Variants in FSTL4 observed in about 807,000 individuals in gnomAD.
FSTL4 encodes follistatin-related protein 4.
Under a neutral mutation model 78.2 loss-of-function variants are expected in FSTL4, and 28 were observed. That is an observed-to-expected ratio of 0.36 (90% CI 0.27 to 0.49). FSTL4 has a LOEUF of 0.49. Among genes scored for constraint, FSTL4 ranks in the 20% least tolerant of loss-of-function variants. FSTL4 has a pLI of 0.98. For synonymous variants in FSTL4, 422 were observed against 440.5 expected (o/e 0.96, Z 0.53); for missense variants, 922 against 1,084.9 (o/e 0.85, Z 2.11).
At chr5:133,455,833 T>C (rs951986719) in intron 3 of FSTL4, among the ~76,000 whole-genome samples, 1 of 152,220 alleles carries the variant, frequency 6.6e-6, no homozygotes, top group Non-Finnish European at 1.5e-5. Context: ...CCTGAGGACA[T>C]GGACTTCTGC....
chr5:133,775,790 C>T, the FSTL4 span, among the ~76,000 whole-genome samples: 63 of 152,258 alleles, frequency 4.1e-4, 1 homozygote, highest in African/African-American at 1.5e-3. Context: ...GGTTTACTGA[C>T]ATTTTGCACA....
At chr5:133,837,107 T>C in the FSTL4 span, among the ~76,000 whole-genome samples, 10 of 152,110 alleles carry the variant, frequency 6.6e-5, no homozygotes, top group Non-Finnish European at 1.5e-4. Flanking sequence ...TCTTAAGCTC[T>C]TTCCTGTATT....
At chr5:133,342,343 G>A (rs908944597) in intron 4 of FSTL4, among the ~76,000 whole-genome samples, 2 of 152,126 alleles carry the variant, frequency 1.3e-5, no homozygotes, top group Non-Finnish European at 2.9e-5. Context: ...AAGGGGCAGG[G>A]GAAATTTTAG....
chr5:133,821,264 T>G, the FSTL4 span, among the ~76,000 whole-genome samples: 3 of 152,268 alleles, frequency 2.0e-5, no homozygotes, highest in African/African-American at 7.2e-5. Flanking sequence ...GGTCAAGTTT[T>G]CCTTCTCATC....
intron 2 of FSTL4, among the ~76,000 whole-genome samples, chr5:133,594,684 T>C (rs576201338): frequency 6.6e-6 from 1 of 152,348 alleles, no homozygotes; most frequent in South Asian, 2.1e-4. Flanking sequence ...TTACCTGGAA[T>C]GGACATTCAA....
intron 3 of FSTL4, among the ~76,000 whole-genome samples, chr5:133,530,279 GC>G (rs1759224049): frequency 6.6e-6 from 1 of 152,174 alleles, no homozygotes; most frequent in South Asian, 2.1e-4. Flanking sequence ...GAGCACTGCG[GC>G]CCTGGATAGC....
intron 6 of FSTL4, among the ~76,000 whole-genome samples, chr5:133,307,532 T>C (rs11750439): frequency 2.0e-5 from 3 of 151,940 alleles, no homozygotes; most frequent in Non-Finnish European, 4.4e-5. Flanking sequence ...TGCTGACACA[T>C]GTTAAATGCT....
At chr5:133,452,178 C>A (rs970907087) in intron 3 of FSTL4, among the ~76,000 whole-genome samples, 2 of 152,200 alleles carry the variant, frequency 1.3e-5, no homozygotes, top group Admixed American at 1.3e-4. Flanking sequence ...GCTGCCTGGC[C>A]TCACTCCCAT....
intron 14 of FSTL4, 148 bp downstream of exon 14, chr5:133,210,043 C>T (rs1706780916): frequency 1.8e-6 from 1 of 558,528 alleles, no homozygotes. Context: ...TGGCCTGAGG[C>T]TGTTTCCTAC....
At chr5:133,729,226 AAC>A in the FSTL4 span, among the ~76,000 whole-genome samples, 69,568 of 148,084 alleles carry the variant, frequency 0.47, 18,087 homozygotes, top group South Asian at 0.71. Flanking sequence ...GATTTATGAA[AAC>A]ACACACACAC....
rs1758786589 is a variant in FSTL4, at chr5:133,513,649, AACATCCT to A, written c.160+53530_160+53536del. The stretch of plus-strand genomic sequence containing the variant: ...CAGACGGCAAGGACAAAGGCTTCTA[AACATCCT>A]GACTATTGGTCAGCAGTGACTGGGA... On this transcript the variant is annotated intron_variant, in intron 3 of 15. Transcript: ENST00000265342. Among the ~76,000 whole-genome samples the A allele has an allele frequency of 2.0e-5, 3 of 152,314 alleles. No homozygotes were observed. In the East Asian group the frequency reaches 5.8e-4, roughly 29 times the overall value.
At chr5:133,751,960 C>A in the FSTL4 span, among the ~76,000 whole-genome samples, 1 of 152,170 alleles carries the variant, frequency 6.6e-6, no homozygotes, top group African/African-American at 2.4e-5. Flanking sequence ...AACATCATCC[C>A]TTCTCCACCG....
upstream of FSTL4, among the ~76,000 whole-genome samples, chr5:133,617,041 C>T (rs533414187): frequency 6.6e-6 from 1 of 152,276 alleles, no homozygotes; most frequent in South Asian, 2.1e-4. Flanking sequence ...TGGCTCATGC[C>T]TGTAATCCCA....
chr5:133,579,859 G>A (rs961107336), intron 2 of FSTL4, among the ~76,000 whole-genome samples: 2 of 152,086 alleles, frequency 1.3e-5, no homozygotes, highest in African/African-American at 2.4e-5. Flanking sequence ...AGATACAGAC[G>A]GTCTGACATA....
chr5:133,785,096 A>G, the FSTL4 span, among the ~76,000 whole-genome samples: 2 of 152,138 alleles, frequency 1.3e-5, no homozygotes, highest in Non-Finnish European at 2.9e-5. Context: ...GACAGGGCAC[A>G]CCCAACACCT....
At chr5:133,782,516 G>C in the FSTL4 span, among the ~76,000 whole-genome samples, 1 of 152,170 alleles carries the variant, frequency 6.6e-6, no homozygotes, top group Non-Finnish European at 1.5e-5. Context: ...ACGACTGGTC[G>C]GCCACAGGCA....
At chr5:133,456,047 G>A (rs907735251) in intron 3 of FSTL4, among the ~76,000 whole-genome samples, 1 of 152,196 alleles carries the variant, frequency 6.6e-6, no homozygotes. Context: ...GGCAGGGGAG[G>A]GCGTTCTGGG....
At chr5:133,227,183 G>T (rs1028640356) in intron 8 of FSTL4, among the ~76,000 whole-genome samples, 1 of 152,184 alleles carries the variant, frequency 6.6e-6, no homozygotes, top group Admixed American at 6.5e-5. Flanking sequence ...ACCACACAGA[G>T]ACCCAAAACA....
intron 11 of FSTL4, among the ~76,000 whole-genome samples, chr5:133,222,329 C>A (rs1230609137): frequency 6.6e-6 from 1 of 152,136 alleles, no homozygotes; most frequent in Non-Finnish European, 1.5e-5. Context: ...TCAGCTCCCG[C>A]CAAGAGTCAG....
Sources: gnomAD v4.1 joint callset for allele counts (sites outside exome capture counted in the v4.1 genomes callset) on GRCh38, gnomAD v4.1.1 for gene constraint, MANE v1.5 for transcripts, NCBI Gene and HGNC (gene_info 2026-07-23, HGNC 2026-07-21) for gene names.